KDM3A: variants seen among roughly 807,000 people sequenced by gnomAD.
KDM3A encodes the protein lysine demethylase 3A.
Under a neutral mutation model 158.0 loss-of-function variants are expected in KDM3A, and 60 were observed. That is an observed-to-expected ratio of 0.38 (90% CI 0.31 to 0.47). The LOEUF is 0.47. Among genes scored for constraint, KDM3A ranks in the 20% least tolerant of loss-of-function variants. The probability of loss-of-function intolerance (pLI) is 0.99; values close to 1 mark genes in which losing one functional copy is unlikely to be tolerated. For missense variants in KDM3A, 1,319 were observed against 1,574.3 expected, an observed-to-expected ratio of 0.84 and a Z score of 2.74; for synonymous variants, 608 against 549.3, an observed-to-expected ratio of 1.11 and a Z score of -1.49.
chr2:86,465,093 G>T (rs1327426050), intron 9 of KDM3A, among the ~76,000 whole-genome samples: 1 of 152,188 alleles, frequency 6.6e-6, no homozygotes, highest in East Asian at 1.9e-4. Context: ...TCTCCAGGGT[G>T]AAGTCCTTTG....
chr2:86,472,532 G>A (rs1246264477), intron 11 of KDM3A, among the ~76,000 whole-genome samples: 1 of 151,772 alleles, frequency 6.6e-6, no homozygotes, highest in African/African-American at 2.4e-5. Flanking sequence ...TTATTTTTTT[G>A]TGTTATGACT....
At chr2:86,442,308 T>TC in intron 2 of KDM3A, 75 bp downstream of exon 2, 1 of 1,396,470 alleles carries the variant, frequency 7.2e-7, no homozygotes, top group South Asian at 1.3e-5. Flanking sequence ...GTTCCCTCCT[T>TC]CCGTTTTCTG....
At chr2:86,453,904 T>G (rs561603804) in intron 4 of KDM3A, among the ~76,000 whole-genome samples, 18 of 152,352 alleles carry the variant, frequency 1.2e-4, no homozygotes, top group Non-Finnish European at 2.1e-4. Flanking sequence ...TTGGAAGGGC[T>G]TCTGTGTTGA....
chr2:86,446,814 T>A, intron 2 of KDM3A, among the ~76,000 whole-genome samples: 1 of 152,144 alleles, frequency 6.6e-6, no homozygotes, highest in East Asian at 1.9e-4. Context: ...AAATGAAAGA[T>A]GCTTTGTTTT....
chr2:86,456,935 A>G, intron 7 of KDM3A, 48 bp from the exon 8 acceptor site: 1 of 1,570,382 alleles, frequency 6.4e-7, no homozygotes. Context: ...TTCTTCTCAC[A>G]TTAAGAGAAA....
chr2:86,478,360 T>C (rs948024046), intron 14 of KDM3A, 95 bp downstream of exon 14: 2 of 962,602 alleles, frequency 2.1e-6, no homozygotes, highest in African/African-American at 3.3e-5. Flanking sequence ...GTTAAGTTTA[T>C]TTTAGTGTGT....
intron 9 of KDM3A, among the ~76,000 whole-genome samples, chr2:86,466,071 G>A (rs1231554777): frequency 6.6e-6 from 1 of 152,050 alleles, no homozygotes; most frequent in East Asian, 1.9e-4. Flanking sequence ...TGTTTTGAGG[G>A]AAAGCTAAGG....
intron 10 of KDM3A, among the ~76,000 whole-genome samples, chr2:86,469,139 G>T (rs573932658): frequency 6.6e-6 from 1 of 152,166 alleles, no homozygotes; most frequent in Non-Finnish European, 1.5e-5. Flanking sequence ...ACAGCATCAT[G>T]TAGAAATTTA....
rs767348180 is a variant in KDM3A, at chr2:86,474,762, C to T, written c.1725-14C>T. On this transcript the variant is annotated splice_polypyrimidine_tract_variant and intron_variant, in intron 11 of 25. Coordinates refer to ENST00000312912, the MANE Select transcript of KDM3A (RefSeq NM_018433.6). ...GTGTGTACATTACATCTTTTTTTCC[C>T]CTGCTTCCCCTAGGTTACAATTCAA... is the stretch of plus-strand genomic sequence containing the variant. 17 of 1,356,718 alleles carry T rather than the reference C, an allele frequency of 1.3e-5. No homozygotes were observed. In the South Asian group the frequency reaches 1.8e-4, roughly 14 times the overall value. 84.0% of individuals were successfully genotyped at this position (1,356,718 alleles called of 1,614,324 possible).
intron 25 of KDM3A, chr2:86,491,637 A>G (rs1674460193): frequency 3.2e-6 from 1 of 308,536 alleles, no homozygotes; most frequent in Non-Finnish European, 6.1e-6. Flanking sequence ...TAGGTAGAGC[A>G]GAACTGAATC....
Position 86,449,876 on chromosome 2 carries a change from A to G in KDM3A, c.256A>G (p.Arg86Gly). 1 of 1,613,868 alleles carries G rather than the reference A, an allele frequency of 6.2e-7. No individual in the cohort carries two copies. Among genetic ancestry groups the G allele is most frequent in the Non-Finnish European group, 8.5e-7 (1 of 1,179,858 alleles). ...GATAGAAGTCTACAGCCTTCTAAGG[A>G]GAGCATTTTTAGTAGAACATAATTT... is the stretch of plus-strand genomic sequence containing the variant. The part of the protein sequence containing the change: ...RWIEVYSLLR[R>G]AFLVEHNLVL... The change falls in exon 3 of 26, where the codon AGA becomes GGA. Residue 86 changes from arginine (R) to glycine (G), a missense_variant. Transcript: ENST00000312912.
chr2:86,477,802 A>G lies in KDM3A; in HGVS notation c.1940-75A>G, dbSNP rs13399665. Reference sequence around the variant, plus strand: ...AGTCTAGTCACAGGGAGGAATGACAATAACCCCTACCTTTCGTTTTTGGTT... The same window carrying G: ...AGTCTAGTCACAGGGAGGAATGACAGTAACCCCTACCTTTCGTTTTTGGTT... On this transcript the variant is annotated intron_variant, in intron 12 of 25. Coordinates refer to ENST00000312912, the MANE Select transcript of KDM3A (RefSeq NM_018433.6). The G allele has an allele frequency of 1.9e-3, 2,657 of 1,401,428 alleles. 56 individuals are homozygous for G. The African/African-American group carries it at 0.034, about 18-fold the overall frequency. The allele number at this position is 1,401,428 out of a possible 1,614,324, so 86.8% of individuals were successfully genotyped here.
intron 18 of KDM3A, 38 bp downstream of exon 18, chr2:86,482,732 C>A: frequency 6.3e-7 from 1 of 1,599,956 alleles, no homozygotes; most frequent in Non-Finnish European, 8.5e-7. Flanking sequence ...CTATTCAGAA[C>A]CCCCTTCTCA....
At position 86,492,239 on chromosome 2, in the gene KDM3A, G is replaced by C; in HGVS notation, c.*120G>C. The C allele has an allele frequency of 1.4e-6, 1 of 709,096 alleles. No individual in the cohort carries two copies. Among genetic ancestry groups the C allele is most frequent in the South Asian group, 1.6e-5 (1 of 60,632 alleles). 43.9% of individuals were successfully genotyped at this position (709,096 alleles called of 1,614,324 possible). On this transcript the variant is annotated 3_prime_UTR_variant, in exon 26 of 26. Transcript: ENST00000312912. Reference sequence around the variant, plus strand: ...TTTTTAAACTGTACCCAACTTGTGAGGGTACTCTGTCTAATGTATATTTCT... The same window carrying C: ...TTTTTAAACTGTACCCAACTTGTGACGGTACTCTGTCTAATGTATATTTCT...
At chr2:86,475,381 A>C (rs896012894) in intron 12 of KDM3A, among the ~76,000 whole-genome samples, 1 of 152,174 alleles carries the variant, frequency 6.6e-6, no homozygotes, top group Non-Finnish European at 1.5e-5. Context: ...AGACCTACCG[A>C]GTTAGAGTCT....
At chr2:86,457,617 T>C (rs925034955) in intron 8 of KDM3A, among the ~76,000 whole-genome samples, 4 of 152,216 alleles carry the variant, frequency 2.6e-5, no homozygotes, top group African/African-American at 9.7e-5. Flanking sequence ...TTTGACAATT[T>C]CACCATGTGG....
At chr2:86,478,580 CA>C in intron 14 of KDM3A, 27 bp from the exon 15 acceptor site, 3 of 1,611,822 alleles carry the variant, frequency 1.9e-6, no homozygotes, top group Non-Finnish European at 2.5e-6. Flanking sequence ...TATCCTTGTT[CA>C]GATGTTTGCC....
intron 14 of KDM3A, 125 bp downstream of exon 14, chr2:86,478,390 T>A: frequency 1.2e-6 from 1 of 841,972 alleles, no homozygotes; most frequent in Admixed American, 2.6e-5. Context: ...TGTCCAGAAA[T>A]ATATTAGATA....
chr2:86,464,265 T>C (rs756027880), intron 9 of KDM3A, 49 bp downstream of exon 9: 9 of 1,303,562 alleles, frequency 6.9e-6, no homozygotes, highest in Non-Finnish European at 9.2e-6. Flanking sequence ...TAAAAAATTA[T>C]TTTAGTCATG....
Sources: gnomAD v4.1 joint callset for allele counts (sites outside exome capture counted in the v4.1 genomes callset) on GRCh38, gnomAD v4.1.1 for gene constraint, MANE v1.5 for transcripts, NCBI Gene and HGNC (gene_info 2026-07-23, HGNC 2026-07-21) for gene names.